Variants in GATA6 observed in about 807,000 individuals in gnomAD.
GATA6 encodes the protein transcription factor GATA-6.
In GATA6, 11 loss-of-function variants were observed where a neutral mutation model predicts 48.1. The ratio of observed to expected loss-of-function variants is 0.23; its 90% CI spans 0.14 to 0.38. The LOEUF (loss-of-function observed/expected upper bound fraction) is 0.38, where lower values mean the gene tolerates loss of function less well. Ranked by LOEUF, GATA6 falls within the 10% of genes least tolerant of loss-of-function variation. GATA6 has a pLI of 1.00. For synonymous variants in GATA6, 419 were observed against 396.1 expected (o/e 1.06, Z -0.69); for missense variants, 795 against 850.3 (o/e 0.93, Z 0.81).
chr18:22,171,799 G>A lies in GATA6; in HGVS notation c.655G>A (p.Ala219Thr). Residue 219 changes from alanine to threonine, a missense_variant, in exon 2 of 7, where the codon GCG becomes ACG. Transcript: ENST00000269216. This position sits in a 1 kb window ranked among gnomAD's most constrained non-coding sequence, Gnocchi z 7.1. ...TGGGCCAGCCAACCACGCGGGCGGC[G>A]CGGGCGCGCACCCCGGCTGGCCTCA... ...GSGPANHAGG[A>T]GAHPGWPQAS... 7.7e-7 allele frequency: 1 copy of A among 1,302,680 alleles called. No individual in the cohort carries two copies. The highest frequency in any genetic ancestry group is 2.4e-5 in the South Asian group (1 of 42,194). The allele number at this position is 1,302,680 out of a possible 1,614,324, so 80.7% of individuals were successfully genotyped here. A position where few individuals can be genotyped will look rare whatever the true frequency, so the allele number is the denominator to read the frequency against.
intron 6 of GATA6, among the ~76,000 whole-genome samples, chr18:22,193,653 A>T (rs1036002384): frequency 6.6e-6 from 1 of 152,168 alleles, no homozygotes; most frequent in Admixed American, 6.5e-5. Context: ...GAGGCATGTG[A>T]TCACCATCAA....
In GATA6 at chr18:22,170,945, G is replaced by GC; in HGVS notation, c.-37-160dup. ...CTTCCCCTCCCTTATTGATCTCCACGCCCGGGGCAGAAATAGGATCTTTGA... is the reference window on the plus strand; with the variant it reads ...CTTCCCCTCCCTTATTGATCTCCACGCCCCGGGGCAGAAATAGGATCTTTGA... On this transcript the variant is annotated intron_variant, in intron 1 of 6. Transcript: ENST00000269216. This position sits in a 1 kb window ranked among gnomAD's most constrained non-coding sequence, Gnocchi z 6.7. The GC allele has an allele frequency of 1.6e-6, 1 of 608,760 alleles. No individual in the cohort carries two copies. Among genetic ancestry groups the GC allele is most frequent in the South Asian group, 2.0e-5 (1 of 50,550 alleles). 37.7% of individuals were successfully genotyped at this position (608,760 alleles called of 1,614,324 possible).
Position 22,172,873 on chromosome 18 carries a change from GGA to G in GATA6, c.1135+600_1135+601del, listed in dbSNP as rs886065153. Among the ~76,000 whole-genome samples, 11 of 152,312 alleles carry G rather than the reference GGA, an allele frequency of 7.2e-5. No individual in the cohort carries two copies. Among genetic ancestry groups the G allele is most frequent in the Non-Finnish European group, 1.0e-4 (7 of 68,030 alleles). On this transcript the variant is annotated intron_variant, in intron 2 of 6. Coordinates refer to ENST00000269216, the MANE Select transcript of GATA6 (RefSeq NM_005257.6). The surrounding 1 kb of genome is among the most constrained non-coding windows in gnomAD (Gnocchi z 5.2). Reference sequence around the variant, plus strand: ...TAGTTGGCGTCTCCTCTCCCACAAGGGAGAGAGGGAAAGAAGAGAGGGCACCT... The same window carrying G: ...TAGTTGGCGTCTCCTCTCCCACAAGGGAGAGGGAAAGAAGAGAGGGCACCT...
rs1009460110 is a variant in GATA6, at chr18:22,170,281, T to A, written c.-38+599T>A. Among the ~76,000 whole-genome samples the A allele has an allele frequency of 1.8e-4, 27 of 152,300 alleles. No individual in the cohort carries two copies. Among genetic ancestry groups the A allele is most frequent in the African/African-American group, 5.8e-4 (24 of 41,570 alleles). On this transcript the variant is annotated intron_variant, in intron 1 of 6. Transcript: ENST00000269216. The surrounding 1 kb of genome is among the most constrained non-coding windows in gnomAD (Gnocchi z 6.7). ...GGTCCGGCGTTTCTGCTGCTGGAGA[T>A]GACCGCGGGGTGGGCCGGGTGGCCC...
At position 22,200,517 on chromosome 18, in the gene GATA6, C is replaced by T. The variant is rs2033446585; in HGVS notation, c.1621-139C>T. 10 of 1,073,890 alleles carry T rather than the reference C, an allele frequency of 9.3e-6. No homozygotes were observed. In the South Asian group the frequency reaches 1.3e-4, roughly 14 times the overall value. The allele number at this position is 1,073,890 out of a possible 1,614,324, so 66.5% of individuals were successfully genotyped here. On this transcript the variant is annotated intron_variant, in intron 6 of 6. Transcript: ENST00000269216. ...GGGGATAGTAACGCCGGCTTCATTT[C>T]TCCTGCCCTGGGTCTGCCCAGGAGC...
chr18:22,192,579 A>G (rs1159902411), intron 6 of GATA6, among the ~76,000 whole-genome samples: 3 of 152,172 alleles, frequency 2.0e-5, no homozygotes, highest in African/African-American at 7.2e-5. Flanking sequence ...GCTTCTTGGT[A>G]TGTTTTCTGT....
rs374591296 is a variant in GATA6 at position 22,171,426 on chromosome 18, T to A, written c.282T>A (p.Pro94=). 101 of 1,591,006 alleles carry A rather than the reference T, an allele frequency of 6.3e-5. No homozygotes were observed. The highest frequency in any genetic ancestry group is 8.0e-5 in the African/African-American group (6 of 74,664). Residue 94 remains proline (P), a synonymous_variant, in exon 2 of 7, where the codon CCT becomes CCA. Transcript: ENST00000269216. The surrounding 1 kb of genome is among the most constrained non-coding windows in gnomAD (Gnocchi z 7.1). ...ASHPFGAPHG[P]SAPGVAGPGG... ...ATCCCTTCGGGGCTCCCCACGGACC[T>A]TCGGCGCCTGGGGTCGCGGGCCCCG...
Position 22,177,031 on chromosome 18 carries a change from C to T in GATA6, c.1212C>T (p.Asp404=), listed in dbSNP as rs749866394. Residue 404 remains aspartate, a synonymous_variant, in exon 3 of 7, where the codon GAC becomes GAT. Transcript: ENST00000269216. ...GSIQTPLWRR[D]GTGHYLCNAC... is the part of the protein sequence containing the mutation. The stretch of plus-strand genomic sequence containing the variant: ...TCCAGACGCCGCTGTGGCGGCGGGA[C>T]GGCACCGGCCACTACCTGTGCAACG... The T allele has an allele frequency of 1.9e-6, 3 of 1,575,090 alleles. No homozygotes were observed. Among genetic ancestry groups the T allele is most frequent in the Admixed American group, 3.6e-5 (2 of 55,110 alleles).
chr18:22,195,241 C>G (rs1177312210), intron 6 of GATA6, among the ~76,000 whole-genome samples: 1 of 152,176 alleles, frequency 6.6e-6, no homozygotes, highest in Non-Finnish European at 1.5e-5. Flanking sequence ...CTGTGAGATT[C>G]ACATGTGCGT....
At position 22,177,108 on chromosome 18, in the gene GATA6, C is replaced by G; in HGVS notation, c.1289C>G (p.Pro430Arg). Residue 430 changes from proline to arginine, a missense_variant, in exon 3 of 7, where the codon CCG becomes CGG. Around this residue, in one of 5 missense-constraint regions of GATA6, gnomAD observed 76 missense variants for 113.1 expected, o/e 0.67. Coordinates refer to ENST00000269216, the MANE Select transcript of GATA6 (RefSeq NM_005257.6). Reference protein sequence around the residue: ...MNGLSRPLIKPQKRVPSSRRL... With the variant: ...MNGLSRPLIKRQKRVPSSRRL... ...GGCCTCAGCCGGCCCCTCATCAAGC[C>G]GCAGAAGCGCGTGGTGAGTGTGACC... 1 of 1,550,388 alleles carries G rather than the reference C, an allele frequency of 6.4e-7. No homozygotes were observed. The highest frequency in any genetic ancestry group is 8.7e-7 in the Non-Finnish European group (1 of 1,148,710).
intron 3 of GATA6, 114 bp downstream of exon 3, chr18:22,177,235 C>A (rs573382245): frequency 4.2e-6 from 4 of 951,390 alleles, no homozygotes; most frequent in African/African-American, 3.5e-5. Context: ...GGGACAGGTG[C>A]GGCCGCTGCG....
chr18:22,181,717 T>C, intron 4 of GATA6, 139 bp downstream of exon 4: 7 of 851,030 alleles, frequency 8.2e-6, no homozygotes, highest in Non-Finnish European at 1.3e-5. Context: ...ATATGTTTAA[T>C]ATATTCAGTG....
intron 3 of GATA6, among the ~76,000 whole-genome samples, chr18:22,180,691 A>T (rs919950252): frequency 8.9e-4 from 135 of 151,708 alleles, no homozygotes; most frequent in African/African-American, 3.1e-3. Flanking sequence ...TTTTTTTTTA[A>T]AAAAAACTTT....
Position 22,171,288 on chromosome 18 carries a change from G to A in GATA6, c.144G>A (p.Arg48=), listed in dbSNP as rs1432574747. 1 of 1,594,068 alleles carries A rather than the reference G, an allele frequency of 6.3e-7. No individual in the cohort carries two copies. The highest frequency in any genetic ancestry group is 1.1e-5 in the South Asian group (1 of 90,794). The stretch of plus-strand genomic sequence containing the variant: ...CTTCCTCGTCCTCCTCCTGCTCCCG[G>A]GGCGGAGAGCGGGGCCCCGGCGGCG... ...PISSSSSSCS[R]GGERGPGGAS... Residue 48 remains arginine (R), a synonymous_variant, in exon 2 of 7, where the codon CGG becomes CGA. Transcript: ENST00000269216. The surrounding 1 kb of genome is among the most constrained non-coding windows in gnomAD (Gnocchi z 7.1).
chr18:22,180,497 C>T (rs1458874854), intron 3 of GATA6, among the ~76,000 whole-genome samples: 2 of 151,910 alleles, frequency 1.3e-5, no homozygotes, highest in Admixed American at 6.6e-5. Context: ...TTTGCATGAA[C>T]GAAAGTTGAG....
chr18:22,201,873 C>CAGA lies in GATA6; in HGVS notation c.*1050_*1051insAGA. On this transcript the variant is annotated 3_prime_UTR_variant, in exon 7 of 7. Coordinates refer to ENST00000269216, the MANE Select transcript of GATA6 (RefSeq NM_005257.6). ...GATGAAGTCTGTATAGTGTGACTAA[C>CAGA]CCACAGGCAGGTTGGTTTACATTAA... 6.6e-6 allele frequency: 1 copy of CAGA among 152,660 alleles called. No individual in the cohort carries two copies. The highest frequency in any genetic ancestry group is 3.4e-3 in the Middle Eastern group (1 of 294). The allele number at this position is 152,660 out of a possible 1,614,324, so 9.5% of individuals were successfully genotyped here.
At chr18:22,181,858 A>G (rs1287140018) in intron 4 of GATA6, among the ~76,000 whole-genome samples, 1 of 152,028 alleles carries the variant, frequency 6.6e-6, no homozygotes, top group Non-Finnish European at 1.5e-5. Context: ...GACACATTCC[A>G]GTTTTAGAAA....
At chr18:22,193,065 G>C (rs113968175) in intron 6 of GATA6, among the ~76,000 whole-genome samples, 282 of 152,318 alleles carry the variant, frequency 1.9e-3, no homozygotes, top group Middle Eastern at 0.01. Context: ...GGGGCAGAGT[G>C]GGGGAGCAGC....
chr18:22,200,532 T>C (rs2033446705), intron 6 of GATA6, 124 bp from the exon 7 acceptor site: 1 of 1,215,402 alleles, frequency 8.2e-7, no homozygotes, highest in Non-Finnish European at 1.2e-6. Context: ...GCCCTGGGTC[T>C]GCCCAGGAGC....
Sources: gnomAD v4.1 joint callset for allele counts (sites outside exome capture counted in the v4.1 genomes callset) on GRCh38, gnomAD v4.1.1 for gene constraint, gnomAD v4.1.1 regional missense constraint, Gnocchi (gnomAD v3.1) non-coding constraint, MANE v1.5 for transcripts, NCBI Gene and HGNC (gene_info 2026-07-23, HGNC 2026-07-21) for gene names.